The following RORA variants were observed in gnomAD, a reference collection of about 807,000 sequenced individuals.
The protein encoded by RORA is nuclear receptor ROR-alpha.
A neutral mutation model predicts 69.5 loss-of-function variants in RORA; 7 were observed. That is an observed-to-expected ratio of 0.10 (90% CI 0.06 to 0.19). The LOEUF is 0.19. Among genes scored for constraint, RORA ranks in the 10% least tolerant of loss-of-function variants. The probability of loss-of-function intolerance (pLI) is 1.00; values close to 1 mark genes in which losing one functional copy is unlikely to be tolerated. For missense variants in RORA, 457 were observed against 663.0 expected, an observed-to-expected ratio of 0.69 and a Z score of 3.41; for synonymous variants, 261 against 240.8, an observed-to-expected ratio of 1.08 and a Z score of -0.78.
At chr15:60,672,057 C>T (rs1647986) in intron 2 of RORA, among the ~76,000 whole-genome samples, 3 of 152,002 alleles carry the variant, frequency 2.0e-5, no homozygotes, top group Non-Finnish European at 4.4e-5. Flanking sequence ...ACTACACTCC[C>T]GCTTGGCCAA....
intron 1 of RORA, among the ~76,000 whole-genome samples, chr15:61,227,808 C>T (rs576403548): frequency 6.6e-6 from 1 of 152,296 alleles, no homozygotes; most frequent in East Asian, 1.9e-4. Context: ...CGCGCGAGCA[C>T]GCTTCCTCCG....
intron 1 of RORA, among the ~76,000 whole-genome samples, chr15:61,201,386 A>G (rs1416274022): frequency 3.3e-5 from 5 of 152,224 alleles, no homozygotes; most frequent in African/African-American, 1.2e-4. Context: ...CTAAGACATA[A>G]ACCTGGAACC....
At position 61,131,963 on chromosome 15, in the gene RORA, T is replaced by C. The variant is rs1205459395; in HGVS notation, c.166+97090A>G. On this transcript the variant is annotated intron_variant, in intron 1 of 10. Coordinates refer to ENST00000335670, the MANE Select transcript of RORA (RefSeq NM_134261.3). This position sits in a 1 kb window ranked among gnomAD's most constrained non-coding sequence, Gnocchi z 4.2. ...CTGTAACCCTGATTACTAGTGGAGA[T>C]GGAACTTATGGGTAGAATTCATGCC... 2.6e-5 allele frequency among the ~76,000 whole-genome samples: 4 copies of C among 152,252 alleles called. No homozygotes were observed. Among genetic ancestry groups the C allele is most frequent in the Non-Finnish European group, 5.9e-5 (4 of 68,038 alleles).
At chr15:61,030,957 C>T (rs1214370438) in intron 1 of RORA, among the ~76,000 whole-genome samples, 1 of 152,074 alleles carries the variant, frequency 6.6e-6, no homozygotes, top group Non-Finnish European at 1.5e-5. Flanking sequence ...TGCATATGCA[C>T]ACATACACAT....
intron 2 of RORA, among the ~76,000 whole-genome samples, chr15:60,658,663 TATTTAATAAATGCCA>T (rs1235241906): frequency 3.9e-5 from 6 of 152,228 alleles, no homozygotes; most frequent in Admixed American, 3.3e-4. Flanking sequence ...TTGTAAAAAT[TATTTAATAAATGCCA>T]ACCCAATCTA....
At chr15:60,705,098 A>G (rs16942951) in intron 1 of RORA, among the ~76,000 whole-genome samples, 2,962 of 149,568 alleles carry the variant, frequency 0.02, 100 homozygotes, top group African/African-American at 0.069. Context: ...TAGTAAGAGT[A>G]TCGTTCTCAT....
chr15:61,055,308 T>A (rs1489955603), intron 1 of RORA, among the ~76,000 whole-genome samples: 1 of 152,174 alleles, frequency 6.6e-6, no homozygotes, highest in African/African-American at 2.4e-5. Flanking sequence ...CTGCTTTTCA[T>A]TCAGAATTTT....
intron 1 of RORA, among the ~76,000 whole-genome samples, chr15:60,855,608 G>T (rs2073370914): frequency 7.0e-6 from 1 of 142,666 alleles, no homozygotes; most frequent in African/African-American, 2.6e-5. Flanking sequence ...TGCAGTGTTT[G>T]CTTTTATTTA....
intron 1 of RORA, among the ~76,000 whole-genome samples, chr15:60,909,378 T>C (rs926076412): frequency 2.0e-5 from 3 of 152,230 alleles, no homozygotes; most frequent in African/African-American, 7.2e-5. Context: ...AAGCTCTGGA[T>C]ACTAGCTCTT....
At chr15:60,825,490 C>T (rs2072943812) in intron 1 of RORA, among the ~76,000 whole-genome samples, 1 of 152,110 alleles carries the variant, frequency 6.6e-6, no homozygotes, top group African/African-American at 2.4e-5. Context: ...CACTGAAGTT[C>T]CATAGAGGGT....
intron 1 of RORA, among the ~76,000 whole-genome samples, chr15:60,891,703 C>G (rs893729233): frequency 1.3e-5 from 2 of 152,218 alleles, no homozygotes; most frequent in African/African-American, 4.8e-5. Context: ...TCATTTCCTG[C>G]TATTCTGCAC....
chr15:61,181,343 C>T (rs2079683811), intron 1 of RORA: 1 of 152,086 alleles, frequency 6.6e-6, no homozygotes, highest in African/African-American at 2.4e-5. Flanking sequence ...AACATTATCT[C>T]CTGGAAGAAC....
intron 2 of RORA, among the ~76,000 whole-genome samples, chr15:60,607,514 TA>T (rs1332305062): frequency 1.3e-5 from 2 of 152,192 alleles, no homozygotes; most frequent in African/African-American, 4.8e-5. Flanking sequence ...CTCAAGGACT[TA>T]GGTGTTCTTG....
intron 1 of RORA, among the ~76,000 whole-genome samples, chr15:61,120,523 C>T (rs982169845): frequency 6.6e-6 from 1 of 151,882 alleles, no homozygotes; most frequent in Non-Finnish European, 1.5e-5. Flanking sequence ...CACGATGAAA[C>T]CCCGTCTCTA....
chr15:61,085,822 T>TA (rs1294041077), intron 1 of RORA, among the ~76,000 whole-genome samples: 1 of 152,236 alleles, frequency 6.6e-6, no homozygotes, highest in Non-Finnish European at 1.5e-5. Flanking sequence ...GCAGCATAGA[T>TA]ATGGAGTGAG....
chr15:60,727,871 T>A (rs1028406271), intron 1 of RORA, among the ~76,000 whole-genome samples: 12 of 152,072 alleles, frequency 7.9e-5, no homozygotes, highest in Admixed American at 7.9e-4. Context: ...CTCCTGACAT[T>A]CACAGCGCTC....
intron 2 of RORA, among the ~76,000 whole-genome samples, chr15:60,648,336 C>G (rs1019678538): frequency 6.6e-6 from 1 of 152,194 alleles, no homozygotes; most frequent in African/African-American, 2.4e-5. Context: ...CATTTCTCAA[C>G]TTCATTTAAA....
intron 1 of RORA, among the ~76,000 whole-genome samples, chr15:61,047,585 G>A (rs1191271038): frequency 6.6e-6 from 1 of 151,124 alleles, no homozygotes; most frequent in African/African-American, 2.4e-5. Context: ...CAGGATAAAG[G>A]TGTCGAGAAT....
intron 1 of RORA, among the ~76,000 whole-genome samples, chr15:60,860,130 G>T (rs149128178): frequency 0.011 from 1,733 of 152,272 alleles, 33 homozygotes; most frequent in African/African-American, 0.04. Context: ...TTCAAGCTTT[G>T]TGTTTCTGAC....
Sources: allele counts gnomAD v4.1 joint callset (sites outside exome capture counted in the v4.1 genomes callset), GRCh38; gene constraint gnomAD v4.1.1; non-coding constraint Gnocchi (gnomAD v3.1); transcripts MANE v1.5; gene names NCBI Gene and HGNC (gene_info 2026-07-23, HGNC 2026-07-21).